ABLIM1: variants seen among roughly 807,000 people sequenced by gnomAD.
ABLIM1 encodes the protein actin binding LIM protein 1, also known as actin-binding LIM protein 1.
ABLIM1 carries 40 observed loss-of-function variants against 107.0 expected under a neutral mutation model. That is an observed-to-expected ratio of 0.37 (90% CI 0.29 to 0.49). ABLIM1 has a LOEUF of 0.49. ABLIM1 is among the 20% of genes least tolerant of loss of function. The pLI is 0.97. For missense variants in ABLIM1, 857 were observed against 1,008.5 expected, an observed-to-expected ratio of 0.85 and a Z score of 2.04; for synonymous variants, 357 against 357.3, an observed-to-expected ratio of 1.00 and a Z score of 0.01.
chr10:114,613,426 A>T lies in ABLIM1; in HGVS notation c.245-11465T>A, dbSNP rs115787736. Among the ~76,000 whole-genome samples, 1,170 of 152,310 alleles carry T rather than the reference A, an allele frequency of 7.7e-3. 18 individuals carry two copies. Among genetic ancestry groups the T allele is most frequent in the African/African-American group, 0.026 (1,084 of 41,572 alleles). Reference sequence around the variant, plus strand: ...TGGCTGCAGTGGAAGCATTTATACCATGGAAACTGGCAAACTTTACAGATC... The same window carrying T: ...TGGCTGCAGTGGAAGCATTTATACCTTGGAAACTGGCAAACTTTACAGATC... On this transcript the variant is annotated intron_variant, in intron 1 of 22. Transcript: ENST00000533213.
intron 1 of ABLIM1, among the ~76,000 whole-genome samples, chr10:114,767,439 C>T (rs551783789): frequency 4.3e-4 from 65 of 152,268 alleles, no homozygotes; most frequent in African/African-American, 1.5e-3. Context: ...TCCCCAGCAT[C>T]GTCGCTGGCT....
chr10:114,598,573 T>G (rs2075679786), intron 2 of ABLIM1, among the ~76,000 whole-genome samples: 1 of 151,880 alleles, frequency 6.6e-6, no homozygotes, highest in Admixed American at 6.6e-5. Context: ...GGCAACAGAG[T>G]GAGACTCTGT....
At chr10:114,492,856 T>C (rs559945896) in intron 6 of ABLIM1, among the ~76,000 whole-genome samples, 1 of 152,364 alleles carries the variant, frequency 6.6e-6, no homozygotes, top group South Asian at 2.1e-4. Flanking sequence ...TGGTAATTCC[T>C]TTCTCATACT....
In ABLIM1 at chr10:114,608,461, G is replaced by T. The variant is rs185754263; in HGVS notation, c.245-6500C>A. On this transcript the variant is annotated intron_variant, in intron 1 of 22. Coordinates refer to ENST00000533213, the MANE Select transcript of ABLIM1 (RefSeq NM_002313.7). Reference sequence around the variant, plus strand: ...GAGGCGGGCGGATCACCTGAGGTTGGGAGTTCGTGATCAGCCTGACCAACA... The same window carrying T: ...GAGGCGGGCGGATCACCTGAGGTTGTGAGTTCGTGATCAGCCTGACCAACA... Among the ~76,000 whole-genome samples, 55 of 152,182 alleles carry T rather than the reference G, an allele frequency of 3.6e-4. 1 individual carries two copies. The East Asian group carries it at 9.1e-3, about 25-fold the overall frequency.
At chr10:114,696,837 A>C (rs1194603701) in intron 1 of ABLIM1, among the ~76,000 whole-genome samples, 1 of 152,154 alleles carries the variant, frequency 6.6e-6, no homozygotes, top group Non-Finnish European at 1.5e-5. Flanking sequence ...TTCATACTGG[A>C]TTAGGCTATT....
chr10:114,744,395 C>G (rs762995768), intron 1 of ABLIM1, among the ~76,000 whole-genome samples: 1 of 151,974 alleles, frequency 6.6e-6, no homozygotes, highest in Non-Finnish European at 1.5e-5. Flanking sequence ...CTGATACGAC[C>G]GGAAAAATGC....
Position 114,730,264 on chromosome 10 carries a change from G to A in ABLIM1, c.-213+37797C>T, listed in dbSNP as rs369293305. Among the ~76,000 whole-genome samples the A allele has an allele frequency of 6.9e-4, 105 of 152,022 alleles. 3 individuals are homozygous for A. In the South Asian group the frequency reaches 0.02, roughly 29 times the overall value. On this transcript the variant is annotated intron_variant, in intron 1 of 15. Coordinates refer to the ABLIM1 transcript ENST00000651092. ...AATACAAAAATTAGCCAGGTGTGGCGATGCACGCCTATAATCCCAGCTACT... is the reference window on the plus strand; with the variant it reads ...AATACAAAAATTAGCCAGGTGTGGCAATGCACGCCTATAATCCCAGCTACT...
intron 6 of ABLIM1, among the ~76,000 whole-genome samples, chr10:114,537,249 A>AT (rs1051539350): frequency 1.3e-5 from 2 of 151,636 alleles, no homozygotes; most frequent in African/African-American, 4.8e-5. Context: ...TATTTTCCTT[A>AT]TTTTTTCTTT....
chr10:114,787,239 C>T, the ABLIM1 span, among the ~76,000 whole-genome samples: 2 of 148,932 alleles, frequency 1.3e-5, no homozygotes, highest in South Asian at 4.3e-4. Context: ...GTCTGAGAAG[C>T]GAGGAGCCTC....
At chr10:114,648,733 A>G (rs1206051998) in intron 1 of ABLIM1, among the ~76,000 whole-genome samples, 1 of 152,204 alleles carries the variant, frequency 6.6e-6, no homozygotes, top group Non-Finnish European at 1.5e-5. Context: ...CTTACCAAGC[A>G]CTGCGTTATA....
chr10:114,589,413 C>A (rs1410042790), intron 2 of ABLIM1, among the ~76,000 whole-genome samples: 2 of 151,684 alleles, frequency 1.3e-5, no homozygotes, highest in African/African-American at 4.8e-5. Flanking sequence ...CCTGTAATCC[C>A]AGCTACTTGG....
intron 1 of ABLIM1, among the ~76,000 whole-genome samples, chr10:114,620,658 C>A (rs1340275014): frequency 6.6e-6 from 1 of 152,146 alleles, no homozygotes; most frequent in Non-Finnish European, 1.5e-5. Flanking sequence ...GTGATCCGCC[C>A]ACCTCAGCCT....
the ABLIM1 span, among the ~76,000 whole-genome samples, chr10:114,785,620 A>G: frequency 6.6e-6 from 1 of 152,230 alleles, no homozygotes; most frequent in African/African-American, 2.4e-5. Context: ...ATGTATAAAT[A>G]CAACTATAAG....
intron 1 of ABLIM1, chr10:114,632,280 G>A: frequency 1.0e-6 from 1 of 985,386 alleles, no homozygotes; most frequent in Non-Finnish European, 1.2e-6. Context: ...TCCTCGCACC[G>A]AGGACGGGCT....
In ABLIM1 at chr10:114,761,604, C is replaced by A. The variant is rs370945608; in HGVS notation, c.-213+6457G>T. ...TTCTTCCTTCCCACTGCACATCTCT[C>A]ACCACTGACAACCTTCCACTGTGCT... is the stretch of plus-strand genomic sequence containing the variant. On this transcript the variant is annotated intron_variant, in intron 1 of 15. Transcript: ENST00000651092. Among the ~76,000 whole-genome samples the A allele has an allele frequency of 6.6e-5, 10 of 152,296 alleles. No individual in the cohort carries two copies. In the East Asian group the frequency reaches 1.2e-3, roughly 18 times the overall value.
chr10:114,753,613 G>A (rs982671893), intron 1 of ABLIM1, among the ~76,000 whole-genome samples: 2 of 152,034 alleles, frequency 1.3e-5, no homozygotes, highest in South Asian at 2.1e-4. Context: ...TTCAGTAGGG[G>A]GGTTAGGAGA....
chr10:114,463,085 G>T (rs541331736), intron 12 of ABLIM1: 2 of 1,340,664 alleles, frequency 1.5e-6, no homozygotes, highest in Non-Finnish European at 9.9e-7. Context: ...AAGGGGGGTT[G>T]GGGCGGGAGT....
At chr10:114,588,168 T>C (rs576981616) in intron 2 of ABLIM1, among the ~76,000 whole-genome samples, 3 of 152,172 alleles carry the variant, frequency 2.0e-5, no homozygotes, top group Non-Finnish European at 4.4e-5. Context: ...ACTTTGAACT[T>C]CTGGGTGCAG....
At chr10:114,676,710 T>C (rs2080502840) in intron 1 of ABLIM1, among the ~76,000 whole-genome samples, 1 of 152,126 alleles carries the variant, frequency 6.6e-6, no homozygotes, top group Non-Finnish European at 1.5e-5. Context: ...ACTGTGCGGT[T>C]TTATTTTAAT....
Sources: allele counts gnomAD v4.1 joint callset (sites outside exome capture counted in the v4.1 genomes callset), GRCh38; gene constraint gnomAD v4.1.1; transcripts MANE v1.5; gene names NCBI Gene and HGNC (gene_info 2026-07-23, HGNC 2026-07-21).